CPEB3: variants seen among roughly 807,000 people sequenced by gnomAD.
CPEB3 encodes the protein cytoplasmic polyadenylation element binding protein 3.
CPEB3 carries 20 observed loss-of-function variants against 67.2 expected under a neutral mutation model. The ratio of observed to expected loss-of-function variants is 0.30; its 90% CI spans 0.21 to 0.43. The LOEUF (loss-of-function observed/expected upper bound fraction) is 0.43, where lower values mean the gene tolerates loss of function less well. CPEB3 is among the 20% of genes least tolerant of loss of function. The probability of loss-of-function intolerance (pLI) is 1.00; values close to 1 mark genes in which losing one functional copy is unlikely to be tolerated. For synonymous variants in CPEB3, 376 were observed against 393.1 expected (o/e 0.96, Z 0.51); for missense variants, 746 against 968.6 (o/e 0.77, Z 3.05).
intron 2 of CPEB3, chr10:92,216,587 C>G: frequency 1.2e-6 from 2 of 1,611,094 alleles, no homozygotes; most frequent in Admixed American, 3.3e-5. Flanking sequence ...AGGAGACACA[C>G]TGCCCATTGA....
intron 6 of CPEB3, among the ~76,000 whole-genome samples, chr10:92,133,743 G>A (rs1032092445): frequency 3.9e-5 from 6 of 152,294 alleles, no homozygotes; most frequent in Non-Finnish European, 4.4e-5. Flanking sequence ...TATCCCTGAC[G>A]AATATGGATG....
chr10:92,111,252 A>C, intron 6 of CPEB3, 58 bp from the exon 7 acceptor site: 1 of 1,078,812 alleles, frequency 9.3e-7, no homozygotes, highest in East Asian at 2.4e-5. Context: ...AACTCAAAGT[A>C]CCAATTACAA....
intron 3 of CPEB3, among the ~76,000 whole-genome samples, chr10:92,191,411 A>T (rs1848977730): frequency 6.7e-6 from 1 of 149,600 alleles, no homozygotes; most frequent in Non-Finnish European, 1.5e-5. Flanking sequence ...AATAAAAAAT[A>T]AAAAAAAAAT....
At chr10:92,160,717 T>C (rs1323110581) in intron 4 of CPEB3, among the ~76,000 whole-genome samples, 3 of 152,226 alleles carry the variant, frequency 2.0e-5, no homozygotes, top group African/African-American at 7.2e-5. Flanking sequence ...AAATGACTAA[T>C]TGGACATTAA....
intron 2 of CPEB3, among the ~76,000 whole-genome samples, chr10:92,209,941 CAAAAAAAAA>C (rs768962869): frequency 5.1e-5 from 3 of 59,040 alleles, no homozygotes; most frequent in Admixed American, 2.0e-4. Context: ...GGCTCTGTCT[CAAAAAAAAA>C]AAAAAAAAAA....
intron 2 of CPEB3, among the ~76,000 whole-genome samples, chr10:92,217,164 T>C (rs1850455719): frequency 8.2e-6 from 1 of 122,618 alleles, no homozygotes. Flanking sequence ...GCCAAGATCA[T>C]GCCACTGCAC....
chr10:92,261,536 C>T lies in CPEB3; in HGVS notation c.-11-21175G>A, dbSNP rs903667089. Among the ~76,000 whole-genome samples the T allele has an allele frequency of 1.6e-4, 24 of 152,160 alleles. 1 individual carries two copies. Among genetic ancestry groups the T allele is most frequent in the Admixed American group, 7.9e-4 (12 of 15,260 alleles). ...GATCTCAGCTCACTGCAACCTCTAC[C>T]TCCTGGGTTCAAGGAATTCTTCTGC... On this transcript the variant is annotated intron_variant, in intron 1 of 9. Coordinates refer to ENST00000265997, the MANE Select transcript of CPEB3 (RefSeq NM_014912.5).
intron 1 of CPEB3, among the ~76,000 whole-genome samples, chr10:92,275,205 T>C (rs1160265149): frequency 6.6e-6 from 1 of 152,232 alleles, no homozygotes; most frequent in Non-Finnish European, 1.5e-5. Flanking sequence ...TTGTTGTGAG[T>C]GGCTCTCCTG....
chr10:92,233,753 C>T (rs190859566), intron 2 of CPEB3, among the ~76,000 whole-genome samples: 94 of 152,128 alleles, frequency 6.2e-4, no homozygotes, highest in Non-Finnish European at 8.1e-4. Context: ...GTTATAATTA[C>T]CTAGACATGT....
At chr10:92,144,541 C>G (rs535975165) in intron 5 of CPEB3, among the ~76,000 whole-genome samples, 1 of 152,218 alleles carries the variant, frequency 6.6e-6, no homozygotes, top group East Asian at 1.9e-4. Flanking sequence ...ACTGGGATTA[C>G]GGGTGTGAAC....
Position 92,239,705 on chromosome 10 carries a change from T to C in CPEB3, c.646A>G (p.Met216Val), listed in dbSNP as rs547574003. ...GAAGACGAGGACGGCTTGCTGGTCA[T>C]GATGGGCTGGTGGCCGTACGCCGCG... is the stretch of plus-strand genomic sequence containing the variant. ...AAAAYGHQPI[M>V]TSKPSSSSAV... The change falls in exon 2 of 10, where the codon ATG becomes GTG. Residue 216 changes from methionine (M) to valine (V), a missense_variant. By Grantham distance (21) the Met-to-Val change is conservative. Around this residue, in one of 2 missense-constraint regions of CPEB3, gnomAD observed 643 missense variants for 717.5 expected, o/e 0.90. Transcript: ENST00000265997. This position sits in a 1 kb window ranked among gnomAD's most constrained non-coding sequence, Gnocchi z 6.0. 10 of 1,567,822 alleles carry C rather than the reference T, an allele frequency of 6.4e-6. No individual in the cohort carries two copies. The South Asian group carries it at 1.1e-4, about 17-fold the overall frequency.
chr10:92,156,491 T>G (rs537246005), intron 4 of CPEB3, among the ~76,000 whole-genome samples: 2 of 152,150 alleles, frequency 1.3e-5, no homozygotes, highest in East Asian at 1.9e-4. Context: ...CTGAGAAAAC[T>G]AGAGGGAAAA....
chr10:92,266,050 G>C (rs1165775735), intron 1 of CPEB3, among the ~76,000 whole-genome samples: 3 of 152,038 alleles, frequency 2.0e-5, no homozygotes, highest in Non-Finnish European at 4.4e-5. Flanking sequence ...TAGTGCCCTC[G>C]ACATGTGATG....
At chr10:92,269,900 C>T (rs1474949805) in intron 1 of CPEB3, among the ~76,000 whole-genome samples, 1 of 152,050 alleles carries the variant, frequency 6.6e-6, no homozygotes, top group Non-Finnish European at 1.5e-5. Context: ...CTTATCAAAT[C>T]CTAGGTCTCC....
Position 92,060,228 on chromosome 10 carries a change from G to A in CPEB3, c.1870-7789C>T, listed in dbSNP as rs970217421. 1.6e-4 allele frequency among the ~76,000 whole-genome samples: 25 copies of A among 151,544 alleles called. 1 individual carries two copies. The highest frequency in any genetic ancestry group is 5.6e-4 in the African/African-American group (23 of 41,226). On this transcript the variant is annotated intron_variant, in intron 9 of 9. Coordinates refer to ENST00000265997, the MANE Select transcript of CPEB3 (RefSeq NM_014912.5). The stretch of plus-strand genomic sequence containing the variant: ...AAAAAAATTAGCCAGGTGTGGTGGC[G>A]CACACCTGTAACCCCAGCTACTTGG...
At chr10:92,062,446 A>G (rs1032804238) in intron 9 of CPEB3, among the ~76,000 whole-genome samples, 2 of 152,156 alleles carry the variant, frequency 1.3e-5, no homozygotes, top group African/African-American at 4.8e-5. Flanking sequence ...TTGAAGGGTG[A>G]TTATTTTGGG....
In CPEB3 at chr10:92,080,796, C is replaced by T. The variant is rs542880221; in HGVS notation, c.1869+524G>A. Reference sequence around the variant, plus strand: ...GTTTTTAGTAGAGACGGGGTTTCACCGTGTTAGCCAGGATGGTTTGGTCTC... The same window carrying T: ...GTTTTTAGTAGAGACGGGGTTTCACTGTGTTAGCCAGGATGGTTTGGTCTC... On this transcript the variant is annotated intron_variant, in intron 9 of 9. Transcript: ENST00000265997. 3.9e-5 allele frequency among the ~76,000 whole-genome samples: 6 copies of T among 152,068 alleles called. No homozygotes were observed. In the South Asian group the frequency reaches 1.0e-3, roughly 26 times the overall value.
At chr10:92,172,453 C>A (rs572282980) in intron 4 of CPEB3, among the ~76,000 whole-genome samples, 1 of 152,100 alleles carries the variant, frequency 6.6e-6, no homozygotes, top group East Asian at 1.9e-4. Flanking sequence ...TGACTCTCCA[C>A]AATCAATAAA....
chr10:92,286,198 G>A (rs961042329), intron 1 of CPEB3, among the ~76,000 whole-genome samples: 1 of 151,972 alleles, frequency 6.6e-6, no homozygotes, highest in African/African-American at 2.4e-5. Flanking sequence ...GCCTCCCAAA[G>A]TGCTGGGATT....
Sources: allele counts gnomAD v4.1 joint callset (sites outside exome capture counted in the v4.1 genomes callset), GRCh38; gene constraint gnomAD v4.1.1; regional missense constraint gnomAD v4.1.1; non-coding constraint Gnocchi (gnomAD v3.1); transcripts MANE v1.5; gene names NCBI Gene and HGNC (gene_info 2026-07-23, HGNC 2026-07-21).